Variants in PLD1 observed in about 807,000 individuals in gnomAD.
The protein encoded by PLD1 is choline phosphatase 1.
PLD1 carries 112 observed loss-of-function variants against 137.1 expected under a neutral mutation model. That is an observed-to-expected ratio of 0.82 (90% CI 0.70 to 0.96). The LOEUF is 0.96. PLD1 is among the 40% of genes least tolerant of loss of function. PLD1 has a pLI of 0.00. For missense variants in PLD1, 1,321 were observed against 1,342.0 expected, an observed-to-expected ratio of 0.98 and a Z score of 0.24; for synonymous variants, 431 against 454.7, an observed-to-expected ratio of 0.95 and a Z score of 0.66.
At chr3:171,767,898 G>A (rs903267119) in intron 1 of PLD1, among the ~76,000 whole-genome samples, 8 of 151,994 alleles carry the variant, frequency 5.3e-5, no homozygotes, top group Non-Finnish European at 8.8e-5. Context: ...AGCAGTGATC[G>A]TGCCACTGCA....
chr3:171,712,343 C>A (rs1717329456), intron 9 of PLD1, among the ~76,000 whole-genome samples: 1 of 152,126 alleles, frequency 6.6e-6, no homozygotes, highest in African/African-American at 2.4e-5. Flanking sequence ...CTGGGCTTGA[C>A]CTATCCTGCA....
At chr3:171,778,277 A>T (rs1722657113) in intron 1 of PLD1, among the ~76,000 whole-genome samples, 1 of 152,244 alleles carries the variant, frequency 6.6e-6, no homozygotes, top group Admixed American at 6.5e-5. Context: ...ACACGTACTT[A>T]GTGAGCACCT....
chr3:171,650,287 AG>A (rs1312449071), intron 21 of PLD1, among the ~76,000 whole-genome samples: 2 of 152,150 alleles, frequency 1.3e-5, no homozygotes, highest in African/African-American at 4.8e-5. Flanking sequence ...AGGATATGAG[AG>A]CCAGGAGGAT....
intron 25 of PLD1, among the ~76,000 whole-genome samples, chr3:171,608,461 C>T (rs1454941223): frequency 6.6e-6 from 1 of 152,036 alleles, no homozygotes; most frequent in East Asian, 1.9e-4. Context: ...TTATGAATAA[C>T]CAAGATTATT....
At chr3:171,610,917 A>C (rs952641833) in intron 25 of PLD1, among the ~76,000 whole-genome samples, 1 of 152,236 alleles carries the variant, frequency 6.6e-6, no homozygotes, top group African/African-American at 2.4e-5. Flanking sequence ...CAGAGACAGC[A>C]GAATGTCTCT....
intron 19 of PLD1, among the ~76,000 whole-genome samples, chr3:171,672,375 G>A (rs1183678853): frequency 1.3e-5 from 2 of 152,194 alleles, no homozygotes; most frequent in African/African-American, 4.8e-5. Flanking sequence ...GAGTGAGTAA[G>A]TCTTGTTAAA....
chr3:171,785,281 T>C (rs1722965216), intron 1 of PLD1, among the ~76,000 whole-genome samples: 1 of 152,244 alleles, frequency 6.6e-6, no homozygotes, highest in Non-Finnish European at 1.5e-5. Flanking sequence ...TTAAATTTTC[T>C]AGTAGCCACA....
chr3:171,747,996 A>G (rs1442004746), intron 1 of PLD1, among the ~76,000 whole-genome samples: 1 of 152,254 alleles, frequency 6.6e-6, no homozygotes, highest in Non-Finnish European at 1.5e-5. Context: ...TACAATAGAT[A>G]GATTAAAATT....
Position 171,764,969 on chromosome 3 carries a change from A to AG in PLD1, c.-31-26888dup, listed in dbSNP as rs1491253606. Among the ~76,000 whole-genome samples, 10 of 72,540 alleles carry AG rather than the reference A, an allele frequency of 1.4e-4. 1 individual carries two copies. Among genetic ancestry groups the AG allele is most frequent in the African/African-American group, 2.2e-4 (6 of 27,398 alleles). 47.6% of individuals were successfully genotyped at this position (72,540 alleles called of 152,430 possible). On this transcript the variant is annotated intron_variant, in intron 1 of 26. Transcript: ENST00000351298. ...AAGAAAGAAAGAAAGAAAGAAAGAAAGAAAGAAAGAAAGAAAGAAAGAAAG... is the reference window on the plus strand; with the variant it reads ...AAGAAAGAAAGAAAGAAAGAAAGAAAGGAAAGAAAGAAAGAAAGAAAGAAAG...
At chr3:171,694,900 G>C (rs1325173080) in intron 12 of PLD1, among the ~76,000 whole-genome samples, 1 of 152,080 alleles carries the variant, frequency 6.6e-6, no homozygotes, top group East Asian at 1.9e-4. Context: ...AATTCTAAAG[G>C]AAATAGGGTA....
intron 20 of PLD1, among the ~76,000 whole-genome samples, chr3:171,661,148 T>C (rs1578211304): frequency 6.6e-6 from 1 of 152,220 alleles, no homozygotes; most frequent in South Asian, 2.1e-4. Flanking sequence ...TATATTATAT[T>C]TAACTTAGGT....
chr3:171,703,594 CA>C (rs1443958165), intron 11 of PLD1, among the ~76,000 whole-genome samples: 2 of 152,010 alleles, frequency 1.3e-5, no homozygotes, highest in African/African-American at 4.8e-5. Context: ...ATAAAGTACT[CA>C]GTAAAAAATT....
rs536947945 is a variant in PLD1 at position 171,711,506 on chromosome 3, A to T, written c.912-1797T>A. Among the ~76,000 whole-genome samples, 16 of 152,198 alleles carry T rather than the reference A, an allele frequency of 1.1e-4. No homozygotes were observed. In the East Asian group the frequency reaches 1.9e-3, roughly 18 times the overall value. On this transcript the variant is annotated intron_variant, in intron 9 of 26. Coordinates refer to ENST00000351298, the MANE Select transcript of PLD1 (RefSeq NM_002662.5). ...CTTTTGCAATAATAATCAATTAAAC[A>T]TATTGATACCAGAAAAAAAAGGATA...
intron 11 of PLD1, among the ~76,000 whole-genome samples, chr3:171,706,331 C>T (rs1309127871): frequency 6.6e-6 from 1 of 151,728 alleles, no homozygotes; most frequent in African/African-American, 2.4e-5. Flanking sequence ...TAAAGAGGCT[C>T]AACCCATCAT....
intron 1 of PLD1, among the ~76,000 whole-genome samples, chr3:171,794,259 T>C (rs1359488757): frequency 6.6e-6 from 1 of 152,226 alleles, no homozygotes; most frequent in Non-Finnish European, 1.5e-5. Flanking sequence ...TTCTATTTTG[T>C]TATTAGTTAT....
chr3:171,793,606 T>C (rs1180976366), intron 1 of PLD1: 4 of 152,248 alleles, frequency 2.6e-5, no homozygotes, highest in African/African-American at 9.6e-5. Context: ...TAAAATACAG[T>C]TACTTGAACA....
chr3:171,798,312 A>T (rs1723511808), intron 1 of PLD1, among the ~76,000 whole-genome samples: 1 of 152,126 alleles, frequency 6.6e-6, no homozygotes, highest in Non-Finnish European at 1.5e-5. Flanking sequence ...GGGCTATGAT[A>T]CCTCCCTTGC....
intron 20 of PLD1, among the ~76,000 whole-genome samples, chr3:171,660,834 C>T (rs1261477454): frequency 6.6e-6 from 1 of 152,040 alleles, no homozygotes; most frequent in East Asian, 1.9e-4. Flanking sequence ...TCTCGAGCTG[C>T]TGACCTCAGG....
At chr3:171,744,266 C>G (rs115629849) in intron 1 of PLD1, among the ~76,000 whole-genome samples, 1,654 of 152,300 alleles carry the variant, frequency 0.011, 35 homozygotes, top group African/African-American at 0.038. Context: ...CTCAGCCTGG[C>G]TCTGGCTGAC....
Sources: allele counts gnomAD v4.1 joint callset (sites outside exome capture counted in the v4.1 genomes callset), GRCh38; gene constraint gnomAD v4.1.1; transcripts MANE v1.5; gene names NCBI Gene and HGNC (gene_info 2026-07-23, HGNC 2026-07-21).